Variants in ZW10 observed in about 807,000 individuals in gnomAD.
The protein encoded by ZW10 is zw10 kinetochore protein, also known as centromere/kinetochore protein zw10 homolog.
A neutral mutation model predicts 87.8 loss-of-function variants in ZW10; 53 were observed. The ratio of observed to expected loss-of-function variants is 0.60; its 90% CI spans 0.48 to 0.76. ZW10 has a LOEUF of 0.76. Among genes scored for constraint, ZW10 ranks in the 30% least tolerant of loss-of-function variants. The pLI, the probability that ZW10 is intolerant of heterozygous loss-of-function variation, is 0.00. For synonymous variants in ZW10, 312 were observed against 329.2 expected, an observed-to-expected ratio of 0.95 and a Z score of 0.57; for missense variants, 837 against 923.0, an observed-to-expected ratio of 0.91 and a Z score of 1.21.
chr11:113,754,115 T>C (rs1591417023), intron 7 of ZW10, among the ~76,000 whole-genome samples: 1 of 152,234 alleles, frequency 6.6e-6, no homozygotes, highest in East Asian at 1.9e-4. Flanking sequence ...CTTCAAACGA[T>C]AGGCTGACCC....
intron 7 of ZW10, among the ~76,000 whole-genome samples, chr11:113,756,479 G>T (rs1348108986): frequency 6.6e-6 from 1 of 151,960 alleles, no homozygotes; most frequent in Non-Finnish European, 1.5e-5. Flanking sequence ...GACATTACAG[G>T]GTAGTATATT....
At position 113,748,309 on chromosome 11, in the gene ZW10, C is replaced by G; in HGVS notation, c.1037G>C (p.Cys346Ser). Residue 346 changes from cysteine (C) to serine (S), a missense_variant, in exon 8 of 16, where the codon TGT becomes TCT. Physicochemically the swap from Cys to Ser is moderately radical, Grantham distance 112. Transcript: ENST00000200135. The stretch of plus-strand genomic sequence containing the variant: ...ATTTGTTGGAATCGAATAAACCAAA[C>G]AGTTTTTGATGAGGCACTCAGACAA... The part of the protein sequence containing the change: ...EDLSECLIKN[C>S]LVYSIPTNSS... 2 of 1,613,426 alleles carry G rather than the reference C, an allele frequency of 1.2e-6. No homozygotes were observed. Among genetic ancestry groups the G allele is most frequent in the Non-Finnish European group, 1.7e-6 (2 of 1,179,780 alleles).
intron 7 of ZW10, among the ~76,000 whole-genome samples, chr11:113,757,049 G>A (rs1953795031): frequency 6.6e-6 from 1 of 151,486 alleles, no homozygotes; most frequent in Non-Finnish European, 1.5e-5. Context: ...AGAATGGTTA[G>A]CCAGGCTATT....
chr11:113,769,789 A>C (rs1442189012), intron 1 of ZW10: 1 of 424,002 alleles, frequency 2.4e-6, no homozygotes, highest in Non-Finnish European at 4.5e-6. Context: ...CATACCAACT[A>C]AGCTGACTTC....
At chr11:113,742,891 A>G (rs892770790) in intron 10 of ZW10, among the ~76,000 whole-genome samples, 3 of 152,258 alleles carry the variant, frequency 2.0e-5, no homozygotes, top group African/African-American at 7.2e-5. Context: ...CACGATAAAA[A>G]TTGAACTTGG....
chr11:113,763,451 C>T (rs1953882748), intron 2 of ZW10, among the ~76,000 whole-genome samples: 1 of 152,200 alleles, frequency 6.6e-6, no homozygotes, highest in African/African-American at 2.4e-5. Context: ...TACTGTCTTC[C>T]ACAACAGTTG....
rs1591406468 is a variant in ZW10 at position 113,733,543 on chromosome 11, C to T, written c.*151G>A. On this transcript the variant is annotated 3_prime_UTR_variant, in exon 16 of 16. Transcript: ENST00000200135. ...TTCTTAAACAAAGCCTCGTACAGGC[C>T]AGGAGGTAAGACGTTCTTCTGTAAA... 11 of 960,226 alleles carry T rather than the reference C, an allele frequency of 1.1e-5. No individual in the cohort carries two copies. In the East Asian group the frequency reaches 2.7e-4, roughly 23 times the overall value. 59.5% of individuals were successfully genotyped at this position (960,226 alleles called of 1,614,324 possible). A position where few individuals can be genotyped will look rare whatever the true frequency, so the allele number is the denominator to read the frequency against.
chr11:113,749,623 ATATATTAC>A (rs1953715027), intron 7 of ZW10, among the ~76,000 whole-genome samples: 1 of 152,260 alleles, frequency 6.6e-6, no homozygotes, highest in African/African-American at 2.4e-5. Flanking sequence ...ATACTGCACT[ATATATTAC>A]TATATAATAT....
intron 1 of ZW10, 117 bp downstream of exon 1, chr11:113,773,445 G>T: frequency 1.3e-6 from 1 of 777,936 alleles, no homozygotes; most frequent in African/African-American, 1.8e-5. Flanking sequence ...TCCCCAACAG[G>T]CCCCACTCTG....
At position 113,740,947 on chromosome 11, in the gene ZW10, T is replaced by C. The variant is rs139068633; in HGVS notation, c.1583+747A>G. ...ATGCAAATATGTTTTCTCTTTTCTT[T>C]TGCTTGACTAAGTAAAAAATGAAAT... On this transcript the variant is annotated intron_variant, in intron 11 of 15. Coordinates refer to ENST00000200135, the MANE Select transcript of ZW10 (RefSeq NM_004724.4). 2.7e-3 allele frequency among the ~76,000 whole-genome samples: 405 copies of C among 152,300 alleles called. 3 individuals carry two copies. Among genetic ancestry groups the C allele is most frequent in the East Asian group, 0.014 (73 of 5,186 alleles).
At chr11:113,753,364 T>C (rs1360076958) in intron 7 of ZW10, among the ~76,000 whole-genome samples, 2 of 152,242 alleles carry the variant, frequency 1.3e-5, no homozygotes, top group African/African-American at 4.8e-5. Flanking sequence ...ACATGGATTA[T>C]AAAGTAAAAC....
chr11:113,763,916 TGTCAGGAA>T (rs1443610853), intron 2 of ZW10, among the ~76,000 whole-genome samples: 3 of 152,200 alleles, frequency 2.0e-5, no homozygotes, highest in Non-Finnish European at 4.4e-5. Context: ...TTGGCATGTT[TGTCAGGAA>T]GTCCTTGCCC....
Position 113,739,283 on chromosome 11 carries a change from C to A in ZW10, c.1683G>T (p.Leu561Phe), listed in dbSNP as rs1034178279. ...HLLTLGHQFR[L>F]RLAPILCDGT... ...CATCACAAAGAATGGGGGCAAGACG[C>A]AATCTGAACTGATGCCCGAGGGTCA... Residue 561 changes from leucine to phenylalanine, a missense_variant, in exon 12 of 16, where the codon TTG becomes TTT. Physicochemically the swap from Leu to Phe is conservative, Grantham distance 22 (BLOSUM62 0). Coordinates refer to ENST00000200135, the MANE Select transcript of ZW10 (RefSeq NM_004724.4). 1 of 1,613,978 alleles carries A rather than the reference C, an allele frequency of 6.2e-7. No homozygotes were observed. Among genetic ancestry groups the A allele is most frequent in the African/African-American group, 1.3e-5 (1 of 75,028 alleles).
intron 7 of ZW10, 51 bp downstream of exon 7, chr11:113,757,611 A>T (rs544488632): frequency 7.9e-7 from 1 of 1,259,222 alleles, no homozygotes; most frequent in Non-Finnish European, 1.0e-6. Context: ...TTACTTTTAT[A>T]AACAATATTT....
intron 2 of ZW10, 48 bp downstream of exon 2, chr11:113,768,785 C>A: frequency 1.3e-6 from 2 of 1,594,690 alleles, no homozygotes; most frequent in South Asian, 2.3e-5. Flanking sequence ...AATCAGGAAG[C>A]TGAACCACCT....
In ZW10 at chr11:113,768,739, G is replaced by T. The variant is rs988670681; in HGVS notation, c.240+94C>A. On this transcript the variant is annotated intron_variant, in intron 2 of 15. Transcript: ENST00000200135. ...TCCATTTACCAATCAGAAAAGTGAG[G>T]GTTTAAAAAGTTGTACACAATTAAG... is the stretch of plus-strand genomic sequence containing the variant. 4.6e-6 allele frequency: 6 copies of T among 1,312,696 alleles called. No individual in the cohort carries two copies. The South Asian group carries it at 4.6e-5, about 10-fold the overall frequency. The allele number at this position is 1,312,696 out of a possible 1,614,324, so 81.3% of individuals were successfully genotyped here.
At chr11:113,754,182 G>A (rs1458557569) in intron 7 of ZW10, among the ~76,000 whole-genome samples, 1 of 152,046 alleles carries the variant, frequency 6.6e-6, no homozygotes, top group Non-Finnish European at 1.5e-5. Flanking sequence ...TTCATCAACC[G>A]TTCCAAAAAT....
intron 15 of ZW10, among the ~76,000 whole-genome samples, chr11:113,735,810 G>A (rs549006736): frequency 5.9e-5 from 9 of 151,900 alleles, no homozygotes; most frequent in East Asian, 3.9e-4. Context: ...CATCCACTAC[G>A]TTTGAGAAAA....
rs756618609 is a variant in ZW10 at position 113,737,712 on chromosome 11, G to A, written c.1885-9C>T. ...TTTAGTTGGTGCAGTACCTGTAGAA[G>A]AATACAGCTATTTACGTGGAAGAAA... On this transcript the variant is annotated splice_polypyrimidine_tract_variant and intron_variant, in intron 13 of 15. Transcript: ENST00000200135. The A allele has an allele frequency of 1.3e-6, 2 of 1,592,410 alleles. No homozygotes were observed. The highest frequency in any genetic ancestry group is 2.7e-5 in the African/African-American group (2 of 74,350).
Sources: allele counts gnomAD v4.1 joint callset (sites outside exome capture counted in the v4.1 genomes callset), GRCh38; gene constraint gnomAD v4.1.1; transcripts MANE v1.5; gene names NCBI Gene and HGNC (gene_info 2026-07-23, HGNC 2026-07-21).